FLT4: variants seen among roughly 807,000 people sequenced by gnomAD.
FLT4 encodes fms related receptor tyrosine kinase 4.
In FLT4, 30 loss-of-function variants were observed where a neutral mutation model predicts 163.2. The ratio of observed to expected loss-of-function variants is 0.18; its 90% CI spans 0.14 to 0.25. FLT4 has a LOEUF of 0.25. FLT4 is among the 10% of genes least tolerant of loss of function. The probability of loss-of-function intolerance (pLI) is 1.00; values close to 1 mark genes in which losing one functional copy is unlikely to be tolerated. For synonymous variants in FLT4, 884 were observed against 789.5 expected (o/e 1.12, Z -2.01); for missense variants, 1,510 against 1,863.8 (o/e 0.81, Z 3.50).
intron 10 of FLT4, 39 bp downstream of exon 10, chr5:180,625,830 G>T: frequency 6.3e-7 from 1 of 1,593,168 alleles, no homozygotes; most frequent in South Asian, 1.1e-5. Context: ...GCTGGGGGCT[G>T]TGGCTGTGCA....
In FLT4 at chr5:180,621,806, C is replaced by T. The variant is rs1179603465; in HGVS notation, c.1756G>A (p.Glu586Lys). The change falls in exon 13 of 30, where the codon GAG becomes AAG. Residue 586 changes from glutamate to lysine, a missense_variant. Around this residue, in one of 5 missense-constraint regions of FLT4, gnomAD observed 878 missense variants for 1,016.7 expected, o/e 0.86. Transcript: ENST00000261937. ...TTGAGGCGGTACCAGCGCAGATGCT[C>T]GTACTTGTAGCTGTCGGCTTGGCAG... ...LSCQADSYKY[E>K]HLRWYRLNLS... The T allele has an allele frequency of 2.5e-6, 4 of 1,613,396 alleles. No homozygotes were observed. The highest frequency in any genetic ancestry group is 3.4e-6 in the Non-Finnish European group (4 of 1,179,972).
intron 10 of FLT4, among the ~76,000 whole-genome samples, chr5:180,625,480 G>T (rs1763531654): frequency 6.6e-6 from 1 of 152,212 alleles, no homozygotes; most frequent in African/African-American, 2.4e-5. Context: ...ACCATCCCAG[G>T]GGCTCAGGTG....
chr5:180,603,095 G>C lies in FLT4; in HGVS notation c.*97C>G. On this transcript the variant is annotated 3_prime_UTR_variant, in exon 30 of 30. Transcript: ENST00000261937. ...GGAAGAGGACACTCCTGTGCCACCA[G>C]AGTTCAACCAGATGAGTTCCCAGCC... 1 of 1,189,730 alleles carries C rather than the reference G, an allele frequency of 8.4e-7. No individual in the cohort carries two copies. Among genetic ancestry groups the C allele is most frequent in the Middle Eastern group, 2.4e-4 (1 of 4,218 alleles). 73.7% of individuals were successfully genotyped at this position (1,189,730 alleles called of 1,614,324 possible).
chr5:180,620,047 G>A lies in FLT4; in HGVS notation c.2542+126C>T. On this transcript the variant is annotated intron_variant, in intron 17 of 29. Transcript: ENST00000261937. This position sits in a 1 kb window ranked among gnomAD's most constrained non-coding sequence, Gnocchi z 4.4. Reference sequence around the variant, plus strand: ...GAGGTTCTAGGTACCCACGCCCACAGGGACAGGTCAGGCCAGGCGGAACTT... The same window carrying A: ...GAGGTTCTAGGTACCCACGCCCACAAGGACAGGTCAGGCCAGGCGGAACTT... 8.0e-7 allele frequency: 1 copy of A among 1,247,864 alleles called. No homozygotes were observed. The highest frequency in any genetic ancestry group is 1.4e-5 in the South Asian group (1 of 72,880). The allele number at this position is 1,247,864 out of a possible 1,614,324, so 77.3% of individuals were successfully genotyped here.
At chr5:180,626,982 C>T (rs548522635) in intron 8 of FLT4, among the ~76,000 whole-genome samples, 203 of 152,320 alleles carry the variant, frequency 1.3e-3, no homozygotes, top group Non-Finnish European at 2.0e-3. Context: ...GTTTGCCCAT[C>T]GTCCCCCTGG....
chr5:180,627,311 G>T (rs1390630828), intron 8 of FLT4, among the ~76,000 whole-genome samples: 1 of 152,170 alleles, frequency 6.6e-6, no homozygotes, highest in Non-Finnish European at 1.5e-5. Flanking sequence ...GGCCCGGGGG[G>T]AGTGCCTGGC....
intron 1 of FLT4, among the ~76,000 whole-genome samples, chr5:180,641,482 GC>G (rs776491287): frequency 3.9e-5 from 6 of 152,244 alleles, no homozygotes; most frequent in Non-Finnish European, 8.8e-5. Context: ...TTTCTGGGCA[GC>G]TGAGCCCAGG....
chr5:180,619,184 G>A (rs1321137449), intron 19 of FLT4, 69 bp downstream of exon 19: 67 of 1,310,410 alleles, frequency 5.1e-5, no homozygotes, highest in Non-Finnish European at 6.5e-5. Flanking sequence ...GTTTGCACCC[G>A]CGCCCCCTCC....
rs773799313 is a variant in FLT4 at position 180,614,122 on chromosome 5, T to C, written c.3277A>G (p.Thr1093Ala). The C allele has an allele frequency of 4.3e-6, 7 of 1,614,102 alleles. No individual in the cohort carries two copies. The Admixed American group carries it at 1.2e-4, about 27-fold the overall frequency. Residue 1093 changes from threonine to alanine, a missense_variant, in exon 24 of 30, where the codon ACG becomes GCG. Physicochemically the swap from Thr to Ala is moderately conservative, Grantham distance 58. Transcript: ENST00000261937. ...PESIFDKVYT[T>A]QSDVWSFGVL... ...CCAAAGGACCACACGTCACTCTGCG[T>C]GGTGTACACCTTGTCGAAGATGCTT...
At chr5:180,626,066 C>T (rs764342886) in intron 9 of FLT4, 35 bp from the exon 10 acceptor site, 2 of 1,612,720 alleles carry the variant, frequency 1.2e-6, no homozygotes, top group Admixed American at 1.7e-5. Flanking sequence ...AGCTGGCCTC[C>T]AATGCCAGGC....
chr5:180,632,533 C>T (rs1581685853), intron 1 of FLT4, among the ~76,000 whole-genome samples: 1 of 152,150 alleles, frequency 6.6e-6, no homozygotes, highest in African/African-American at 2.4e-5. Context: ...TGTAGGCTGG[C>T]CGGGCTGGGC....
intron 1 of FLT4, among the ~76,000 whole-genome samples, chr5:180,644,440 A>T (rs1376804355): frequency 6.6e-6 from 1 of 152,202 alleles, no homozygotes; most frequent in Non-Finnish European, 1.5e-5. Context: ...TGAAGAGTCC[A>T]CCTGGCCAGC....
chr5:180,609,017 C>G lies in FLT4; in HGVS notation c.3844G>C (p.Glu1282Gln). Reference protein sequence around the residue: ...QTDSGMVLASEEFEQIESRHR... With the variant: ...QTDSGMVLASQEFEQIESRHR... ...CTGCTCTCTATCTGCTCAAACTCCT[C>G]CGAGGCCAGCACCATCCCACTGTCT... Residue 1282 changes from glutamate to glutamine, a missense_variant, in exon 29 of 30, where the codon GAG becomes CAG. By Grantham distance (29) the Glu-to-Gln change is conservative. Transcript: ENST00000261937. The G allele has an allele frequency of 6.2e-7, 1 of 1,614,248 alleles. No homozygotes were observed. Among genetic ancestry groups the G allele is most frequent in the Non-Finnish European group, 8.5e-7 (1 of 1,180,032 alleles).
At chr5:180,610,667 T>C (rs1361598414) in intron 27 of FLT4, among the ~76,000 whole-genome samples, 3 of 152,216 alleles carry the variant, frequency 2.0e-5, no homozygotes, top group African/African-American at 7.2e-5. Context: ...CCAGGGACTC[T>C]TGGGGACTCA....
intron 27 of FLT4, among the ~76,000 whole-genome samples, chr5:180,610,889 C>T (rs889008519): frequency 1.2e-4 from 19 of 152,190 alleles, no homozygotes; most frequent in Non-Finnish European, 2.4e-4. Flanking sequence ...AACCCCGTCT[C>T]TACTAAAAAT....
At chr5:180,615,901 C>T (rs372832883) in intron 23 of FLT4, among the ~76,000 whole-genome samples, 1 of 34,166 alleles carries the variant, frequency 2.9e-5, no homozygotes, top group Non-Finnish European at 6.1e-5. Context: ...CACTTCCTTT[C>T]GGAGCACTGG....
chr5:180,648,430 G>T (rs1051936627), intron 1 of FLT4, among the ~76,000 whole-genome samples: 8 of 152,178 alleles, frequency 5.3e-5, no homozygotes, highest in African/African-American at 1.9e-4. Flanking sequence ...TGTAAAATGG[G>T]TCTGACACTC....
rs772608195 is a variant in FLT4 at position 180,621,179 on chromosome 5, C to T, written c.2094G>A (p.Gln698=). 3.1e-6 allele frequency: 5 copies of T among 1,612,870 alleles called. No homozygotes were observed. The highest frequency in any genetic ancestry group is 4.2e-6 in the Non-Finnish European group (5 of 1,180,002). Residue 698 remains glutamine (Q), a synonymous_variant, in exon 14 of 30, where the codon CAG becomes CAA. Coordinates refer to ENST00000261937, the MANE Select transcript of FLT4 (RefSeq NM_182925.5). ...GCGCGTGCGCTCCGGCCACCAAGCA[C>T]TGCATCTCCAGCGAGTCGCTCACGT... ...LVNVSDSLEM[Q]CLVAGAHAPS...
At chr5:180,627,016 G>A (rs1157045641) in intron 8 of FLT4, among the ~76,000 whole-genome samples, 2 of 152,236 alleles carry the variant, frequency 1.3e-5, no homozygotes, top group Admixed American at 1.3e-4. Context: ...CGAGGGCAGT[G>A]CTGCCTCCTG....
Sources: gnomAD v4.1 joint callset for allele counts (sites outside exome capture counted in the v4.1 genomes callset) on GRCh38, gnomAD v4.1.1 for gene constraint, gnomAD v4.1.1 regional missense constraint, Gnocchi (gnomAD v3.1) non-coding constraint, MANE v1.5 for transcripts, NCBI Gene and HGNC (gene_info 2026-07-23, HGNC 2026-07-21) for gene names.